Variants in TBL1XR1 observed in about 807,000 individuals in gnomAD.
TBL1XR1 encodes TBL1X/Y related 1.
In TBL1XR1, 5 loss-of-function variants were observed where a neutral mutation model predicts 66.9. The ratio of observed to expected loss-of-function variants is 0.07; its 90% CI spans 0.04 to 0.16. TBL1XR1 has a LOEUF of 0.16. TBL1XR1 is among the 10% of genes least tolerant of loss of function. The pLI is 1.00. For synonymous variants in TBL1XR1, 210 were observed against 206.0 expected, an observed-to-expected ratio of 1.02 and a Z score of -0.17; for missense variants, 238 against 623.2, an observed-to-expected ratio of 0.38 and a Z score of 6.58.
At chr3:177,063,020 G>A (rs1198927684) in intron 3 of TBL1XR1, among the ~76,000 whole-genome samples, 1 of 151,900 alleles carries the variant, frequency 6.6e-6, no homozygotes, top group Non-Finnish European at 1.5e-5. Flanking sequence ...TAGAATCCCA[G>A]CTACTTGGGA....
chr3:177,123,721 T>G (rs1727261977), intron 1 of TBL1XR1, among the ~76,000 whole-genome samples: 3 of 152,072 alleles, frequency 2.0e-5, no homozygotes, highest in Non-Finnish European at 2.9e-5. Context: ...TTCCAAACCT[T>G]AAAACATATG....
intron 1 of TBL1XR1, among the ~76,000 whole-genome samples, chr3:177,186,991 C>T (rs1376518538): frequency 6.6e-6 from 1 of 152,008 alleles, no homozygotes; most frequent in Non-Finnish European, 1.5e-5. Flanking sequence ...AGGATGAAAC[C>T]CCGTCTCTCC....
At chr3:177,189,498 CA>C (rs965871980) in intron 1 of TBL1XR1, among the ~76,000 whole-genome samples, 2 of 151,452 alleles carry the variant, frequency 1.3e-5, no homozygotes, top group East Asian at 1.9e-4. Context: ...ACTAAAATTA[CA>C]AAAAAATTAG....
intron 1 of TBL1XR1, among the ~76,000 whole-genome samples, chr3:177,101,959 ATT>A (rs760088212): frequency 5.4e-5 from 8 of 149,068 alleles, no homozygotes; most frequent in Admixed American, 3.4e-4. Context: ...AACCATTAGA[ATT>A]TTTTTTTTTA....
intron 7 of TBL1XR1, 126 bp downstream of exon 7, chr3:177,049,871 G>A (rs988815455): frequency 1.9e-5 from 20 of 1,029,116 alleles, no homozygotes; most frequent in Middle Eastern, 2.8e-4. Context: ...GACGACTCCC[G>A]GTTTGTTGTT....
chr3:177,136,171 T>C (rs1728973314), intron 1 of TBL1XR1: 1 of 152,162 alleles, frequency 6.6e-6, no homozygotes, highest in Admixed American at 6.6e-5. Context: ...TTCATGAAAC[T>C]AATTTCAGTT....
chr3:177,151,603 G>A (rs1387576497), intron 1 of TBL1XR1, among the ~76,000 whole-genome samples: 2 of 152,196 alleles, frequency 1.3e-5, no homozygotes, highest in African/African-American at 2.4e-5. Flanking sequence ...TGCCAAAAAG[G>A]TTGGGGACCA....
At chr3:177,079,855 A>C (rs1721183047) in intron 2 of TBL1XR1, 1 of 152,116 alleles carries the variant, frequency 6.6e-6, no homozygotes, top group Non-Finnish European at 1.5e-5. Flanking sequence ...GAGTTCCATA[A>C]AGACAAATAT....
At chr3:177,076,320 T>C (rs1720697007) in intron 2 of TBL1XR1, among the ~76,000 whole-genome samples, 1 of 152,228 alleles carries the variant, frequency 6.6e-6, no homozygotes, top group South Asian at 2.1e-4. Context: ...TGTAGACACA[T>C]CACTCTAGTC....
chr3:177,126,233 G>A (rs906680409), intron 1 of TBL1XR1: 9 of 152,208 alleles, frequency 5.9e-5, no homozygotes, highest in Non-Finnish European at 1.0e-4. Flanking sequence ...TCAACGGCTA[G>A]ATATGGGATT....
intron 13 of TBL1XR1, 116 bp downstream of exon 13, chr3:177,034,082 G>GAAGA: frequency 1.1e-6 from 1 of 926,652 alleles, no homozygotes; most frequent in South Asian, 1.8e-5. Context: ...ACTGAAATTG[G>GAAGA]AAAAAAAAAA....
intron 1 of TBL1XR1, among the ~76,000 whole-genome samples, chr3:177,196,768 T>G (rs1180453238): frequency 1.4e-5 from 2 of 147,954 alleles, no homozygotes; most frequent in African/African-American, 2.5e-5. Context: ...AAAAAGGGGG[T>G]GTAAATGCAC....
intron 1 of TBL1XR1, among the ~76,000 whole-genome samples, chr3:177,141,158 A>T (rs1453231382): frequency 6.6e-6 from 1 of 152,262 alleles, no homozygotes; most frequent in African/African-American, 2.4e-5. Flanking sequence ...CATTTAAAAT[A>T]AAGCAAGCAA....
chr3:177,072,098 G>C (rs1279263180), intron 2 of TBL1XR1, among the ~76,000 whole-genome samples: 1 of 152,142 alleles, frequency 6.6e-6, no homozygotes, highest in African/African-American at 2.4e-5. Context: ...TAATAGAATA[G>C]TACCTTCTTA....
At chr3:177,061,743 G>C (rs537379946) in intron 3 of TBL1XR1, among the ~76,000 whole-genome samples, 1 of 152,172 alleles carries the variant, frequency 6.6e-6, no homozygotes, top group East Asian at 1.9e-4. Flanking sequence ...AATTTATATC[G>C]CATTTCTTAG....
At chr3:177,037,268 T>G (rs923766359) in intron 12 of TBL1XR1, 2 of 149,824 alleles carry the variant, frequency 1.3e-5, no homozygotes, top group African/African-American at 4.8e-5. Flanking sequence ...CAAATAAACT[T>G]TAATTGCAAA....
intron 2 of TBL1XR1, among the ~76,000 whole-genome samples, chr3:177,070,832 C>T (rs909368392): frequency 2.8e-4 from 42 of 150,748 alleles, no homozygotes; most frequent in African/African-American, 9.8e-4. Flanking sequence ...GGCAGCTAAG[C>T]AAGACTCCGT....
chr3:177,067,036 A>G (rs1719252650), intron 2 of TBL1XR1, among the ~76,000 whole-genome samples: 1 of 152,330 alleles, frequency 6.6e-6, no homozygotes, highest in South Asian at 2.1e-4. Flanking sequence ...TAGATGTACT[A>G]TAGTACACTA....
At chr3:177,051,790 T>C in intron 4 of TBL1XR1, 64 bp from the exon 5 acceptor site, 17 of 1,351,860 alleles carry the variant, frequency 1.3e-5, no homozygotes, top group Non-Finnish European at 1.5e-5. Flanking sequence ...TTTGTATTTA[T>C]ACAAAATCAG....
Sources: allele counts gnomAD v4.1 joint callset (sites outside exome capture counted in the v4.1 genomes callset), GRCh38; gene constraint gnomAD v4.1.1; transcripts MANE v1.5; gene names NCBI Gene and HGNC (gene_info 2026-07-23, HGNC 2026-07-21).